Variants in GRM3 observed in about 807,000 individuals in gnomAD.
GRM3 encodes glutamate metabotropic receptor 3, also known as metabotropic glutamate receptor 3.
Under a neutral mutation model 70.5 loss-of-function variants are expected in GRM3, and 26 were observed. That is an observed-to-expected ratio of 0.37 (90% CI 0.27 to 0.51). GRM3 has a LOEUF of 0.51. Ranked by LOEUF, GRM3 falls within the 20% of genes least tolerant of loss-of-function variation. The probability of loss-of-function intolerance (pLI) is 0.93; values close to 1 mark genes in which losing one functional copy is unlikely to be tolerated. For missense variants in GRM3, 859 were observed against 1,123.8 expected (o/e 0.76, Z 3.37); for synonymous variants, 443 against 434.9 (o/e 1.02, Z -0.23).
rs1336637825 is a variant in GRM3 at position 86,786,617 on chromosome 7, C to T, written c.825C>T (p.Phe275=). 6.2e-7 allele frequency: 1 copy of T among 1,613,140 alleles called. No individual in the cohort carries two copies. The highest frequency in any genetic ancestry group is 2.2e-5 in the East Asian group (1 of 44,878). ...CCAACGCGCGCGTCGTGGTCCTCTTCATGCGCAGCGACGACTCGCGGGAGC... is the reference window on the plus strand; with the variant it reads ...CCAACGCGCGCGTCGTGGTCCTCTTTATGCGCAGCGACGACTCGCGGGAGC... The part of the protein sequence containing the change: ...QKPNARVVVL[F]MRSDDSRELI... Residue 275 remains phenylalanine (F), a synonymous_variant, in exon 3 of 6, where the codon TTC becomes TTT. Coordinates refer to ENST00000361669, the MANE Select transcript of GRM3 (RefSeq NM_000840.3). The surrounding 1 kb of genome is among the most constrained non-coding windows in gnomAD (Gnocchi z 6.0).
intron 1 of GRM3, among the ~76,000 whole-genome samples, chr7:86,734,474 C>T (rs1006828759): frequency 2.0e-5 from 3 of 152,198 alleles, no homozygotes; most frequent in Non-Finnish European, 4.4e-5. Context: ...CCTATTTCTG[C>T]ACTTCAATAA....
intron 3 of GRM3, among the ~76,000 whole-genome samples, chr7:86,817,236 T>A (rs2116674219): frequency 6.6e-6 from 1 of 152,060 alleles, no homozygotes; most frequent in East Asian, 1.9e-4. Flanking sequence ...ATGCTTTACA[T>A]GTCCCTTCTA....
chr7:86,850,547 A>G lies in GRM3; in HGVS notation c.2566+3A>G. On this transcript the variant is annotated splice_donor_region_variant and intron_variant, in intron 5 of 5. Transcript: ENST00000361669. ...AACTGGGACCACATACTCTCAGTGTAAGTATGGAACTCAGCACTAACTCCT... is the reference window on the plus strand; with the variant it reads ...AACTGGGACCACATACTCTCAGTGTGAGTATGGAACTCAGCACTAACTCCT... 6.3e-7 allele frequency: 1 copy of G among 1,589,044 alleles called. No individual in the cohort carries two copies. The highest frequency in any genetic ancestry group is 8.6e-7 in the Non-Finnish European group (1 of 1,157,522).
intron 1 of GRM3, among the ~76,000 whole-genome samples, chr7:86,652,635 C>T (rs559748597): frequency 3.9e-5 from 6 of 152,098 alleles, no homozygotes; most frequent in African/African-American, 7.2e-5. Flanking sequence ...GGCCAGTAGC[C>T]GATAGTATTA....
intron 1 of GRM3, among the ~76,000 whole-genome samples, chr7:86,763,182 T>C (rs1345306785): frequency 6.6e-6 from 1 of 152,022 alleles, no homozygotes; most frequent in African/African-American, 2.4e-5. Context: ...CTTGATTGAG[T>C]CTTGGACCAG....
intron 2 of GRM3, among the ~76,000 whole-genome samples, chr7:86,773,895 C>A (rs6961677): frequency 1.3e-5 from 2 of 151,760 alleles, no homozygotes; most frequent in African/African-American, 4.8e-5. Flanking sequence ...ACTACTCTAC[C>A]GAAAGATAAG....
intron 1 of GRM3, among the ~76,000 whole-genome samples, chr7:86,681,711 C>G (rs1192222156): frequency 6.6e-6 from 1 of 152,086 alleles, no homozygotes; most frequent in Non-Finnish European, 1.5e-5. Flanking sequence ...ATGGGTTTTC[C>G]TGGTTTGAAC....
intron 1 of GRM3, among the ~76,000 whole-genome samples, chr7:86,729,110 A>G (rs1452438494): frequency 6.6e-6 from 1 of 152,186 alleles, no homozygotes; most frequent in East Asian, 1.9e-4. Context: ...CTTTTGTGAG[A>G]TAATTTCAAG....
At chr7:86,732,941 T>C (rs1795769310) in intron 1 of GRM3, among the ~76,000 whole-genome samples, 1 of 151,912 alleles carries the variant, frequency 6.6e-6, no homozygotes, top group South Asian at 2.1e-4. Flanking sequence ...GAAAGTAAAA[T>C]TCTAAACAGC....
intron 1 of GRM3, among the ~76,000 whole-genome samples, chr7:86,764,657 A>G (rs926252371): frequency 1.3e-5 from 2 of 152,164 alleles, no homozygotes; most frequent in Non-Finnish European, 2.9e-5. Context: ...TAACAAAAAC[A>G]AAGTAAATGA....
At chr7:86,837,785 G>T (rs1309581015) in intron 3 of GRM3, among the ~76,000 whole-genome samples, 1 of 152,096 alleles carries the variant, frequency 6.6e-6, no homozygotes, top group Admixed American at 6.5e-5. Context: ...TAAACAATTT[G>T]GGGTCTATTT....
At chr7:86,708,528 A>G (rs1419830714) in intron 1 of GRM3, among the ~76,000 whole-genome samples, 1 of 152,158 alleles carries the variant, frequency 6.6e-6, no homozygotes, top group African/African-American at 2.4e-5. Context: ...AGCGTTGACA[A>G]CAACTACTGA....
At chr7:86,858,971 T>A (rs1431265858) in intron 5 of GRM3, among the ~76,000 whole-genome samples, 1 of 152,160 alleles carries the variant, frequency 6.6e-6, no homozygotes, top group Non-Finnish European at 1.5e-5. Context: ...ATTTTTTCTT[T>A]TTTCTTGTTT....
intron 2 of GRM3, among the ~76,000 whole-genome samples, chr7:86,770,303 C>T (rs1796705091): frequency 6.6e-6 from 1 of 152,038 alleles, no homozygotes; most frequent in African/African-American, 2.4e-5. Flanking sequence ...AAAAGTTAAG[C>T]TCATAGAAAG....
intron 3 of GRM3, among the ~76,000 whole-genome samples, chr7:86,812,306 A>G (rs1797925383): frequency 6.6e-6 from 1 of 151,802 alleles, no homozygotes; most frequent in Non-Finnish European, 1.5e-5. Flanking sequence ...AGCTTAGTTA[A>G]TTCTCAAGGC....
chr7:86,748,229 AAT>A (rs1796151189), intron 1 of GRM3, among the ~76,000 whole-genome samples: 5 of 152,134 alleles, frequency 3.3e-5, no homozygotes, highest in African/African-American at 1.2e-4. Context: ...TAAACAATGG[AAT>A]ATATATATTT....
chr7:86,791,437 A>C (rs2116575016), intron 3 of GRM3, among the ~76,000 whole-genome samples: 1 of 152,334 alleles, frequency 6.6e-6, no homozygotes, highest in Middle Eastern at 3.4e-3. Context: ...TTTGAGATAA[A>C]TGTAACCAAA....
intron 1 of GRM3, among the ~76,000 whole-genome samples, chr7:86,723,161 T>G (rs1249926300): frequency 6.6e-6 from 1 of 152,106 alleles, no homozygotes; most frequent in Non-Finnish European, 1.5e-5. Context: ...AGGTATTTCA[T>G]TCCCTTATTC....
intron 3 of GRM3, among the ~76,000 whole-genome samples, chr7:86,796,138 A>G (rs1488018537): frequency 6.6e-6 from 1 of 152,204 alleles, no homozygotes; most frequent in Non-Finnish European, 1.5e-5. Flanking sequence ...ATCTTTGCTC[A>G]TGCCTATGTC....
Sources: allele counts gnomAD v4.1 joint callset (sites outside exome capture counted in the v4.1 genomes callset), GRCh38; gene constraint gnomAD v4.1.1; non-coding constraint Gnocchi (gnomAD v3.1); transcripts MANE v1.5; gene names NCBI Gene and HGNC (gene_info 2026-07-23, HGNC 2026-07-21).